TTC7B: variants seen among roughly 807,000 people sequenced by gnomAD.
TTC7B encodes the protein tetratricopeptide repeat domain 7B.
Under a neutral mutation model 106.8 loss-of-function variants are expected in TTC7B, and 28 were observed. The ratio of observed to expected loss-of-function variants is 0.26; its 90% CI spans 0.19 to 0.36. The LOEUF is 0.36. Ranked by LOEUF, TTC7B falls within the 10% of genes least tolerant of loss-of-function variation. The pLI is 1.00. For synonymous variants in TTC7B, 405 were observed against 430.6 expected (o/e 0.94, Z 0.74); for missense variants, 862 against 1,076.4 (o/e 0.80, Z 2.79).
intron 19 of TTC7B, among the ~76,000 whole-genome samples, chr14:90,562,361 A>T (rs548181541): frequency 6.6e-6 from 1 of 151,590 alleles, no homozygotes; most frequent in East Asian, 1.9e-4. Context: ...CCTTTTCAAT[A>T]CTCCCACCTT....
chr14:90,714,576 C>T (rs1044282470), intron 5 of TTC7B, among the ~76,000 whole-genome samples: 8 of 152,030 alleles, frequency 5.3e-5, no homozygotes, highest in African/African-American at 1.9e-4. Flanking sequence ...CCTGCCTCAG[C>T]CTCTCGAGTA....
chr14:90,704,403 G>A (rs567912745), intron 5 of TTC7B, among the ~76,000 whole-genome samples: 2 of 152,314 alleles, frequency 1.3e-5, no homozygotes, highest in South Asian at 4.1e-4. Flanking sequence ...AAATAACAGG[G>A]AACATGCCCA....
Position 90,676,532 on chromosome 14 carries a change from C to T in TTC7B, c.1143G>A (p.Met381Ile). The change falls in exon 9 of 20, where the codon ATG (methionine) becomes ATA (isoleucine). Residue 381 changes from methionine (M) to isoleucine (I), a missense_variant. Met to Ile is a conservative substitution (Grantham distance 10). Transcript: ENST00000328459. The stretch of plus-strand genomic sequence containing the variant: ...GACTCAGCAGCTGTACCTCTGACAG[C>T]ATCTCATACTGGCCTCTTCTTCCAA... ...IALGRRGQYE[M>I]LSECLERAMK... 4 of 1,613,924 alleles carry T rather than the reference C, an allele frequency of 2.5e-6. 1 individual carries two copies. The Admixed American group carries it at 5.0e-5, about 20-fold the overall frequency.
chr14:90,789,930 T>C (rs1048039101), intron 1 of TTC7B, among the ~76,000 whole-genome samples: 1 of 151,240 alleles, frequency 6.6e-6, no homozygotes, highest in African/African-American at 2.4e-5. Flanking sequence ...CAGGTCAACA[T>C]GCAATCATAT....
Position 90,657,179 on chromosome 14 carries a change from G to T in TTC7B, c.1336C>A (p.His446Asn), listed in dbSNP as rs1649098115. ...LAAKLCMGSL[H>N]WLEEAEKFAK... The stretch of plus-strand genomic sequence containing the variant: ...AGGGGGGCGCCCCTACTCACCCAGT[G>T]CAGGGAGCCCATGCAGAGCTTGGCA... The change falls in exon 11 of 20, where the codon CAC (histidine) becomes AAC (asparagine). Residue 446 changes from histidine to asparagine, a missense_variant. Coordinates refer to ENST00000328459, the MANE Select transcript of TTC7B (RefSeq NM_001010854.2). The surrounding 1 kb of genome is among the most constrained non-coding windows in gnomAD (Gnocchi z 4.2). The T allele has an allele frequency of 2.5e-6, 4 of 1,613,830 alleles. No homozygotes were observed. Among genetic ancestry groups the T allele is most frequent in the Non-Finnish European group, 3.4e-6 (4 of 1,179,866 alleles).
intron 15 of TTC7B, among the ~76,000 whole-genome samples, chr14:90,623,858 T>C (rs1334166962): frequency 2.0e-5 from 3 of 152,166 alleles, no homozygotes; most frequent in African/African-American, 4.8e-5. Context: ...CCGTCTCTAC[T>C]AAGAATACAA....
chr14:90,786,370 C>A lies in TTC7B; in HGVS notation c.122-42G>T, dbSNP rs770253878. 4.4e-6 allele frequency: 7 copies of A among 1,606,694 alleles called. No homozygotes were observed. The South Asian group carries it at 6.6e-5, about 15-fold the overall frequency. ...AGAACAAAGTGGGAGCAAGGAATGG[C>A]CTGCATGTAGGACCCCCTCACTCAA... On this transcript the variant is annotated intron_variant, in intron 1 of 19. Transcript: ENST00000328459.
intron 3 of TTC7B, among the ~76,000 whole-genome samples, chr14:90,777,711 C>A (rs566462431): frequency 6.6e-6 from 1 of 152,142 alleles, no homozygotes; most frequent in Admixed American, 6.5e-5. Flanking sequence ...GAAAGAAGGG[C>A]CAAGAATATT....
At chr14:90,766,769 C>A (rs1270299749) in intron 3 of TTC7B, 27 of 1,572,970 alleles carry the variant, frequency 1.7e-5, no homozygotes, top group Non-Finnish European at 2.2e-5. Context: ...TACAAGATCC[C>A]AGACTGGTTC....
At chr14:90,761,143 A>G (rs1215878250) in intron 3 of TTC7B, among the ~76,000 whole-genome samples, 1 of 152,148 alleles carries the variant, frequency 6.6e-6, no homozygotes, top group East Asian at 1.9e-4. Context: ...AGTTTAAATG[A>G]TAATAACACT....
rs2030562026 is a variant in TTC7B at position 90,805,651 on chromosome 14, C to A, written c.121+10524G>T. ...GAGCTGGCTTCGCTTTTCCCTCGGG[C>A]ATTATTTGGGGTTTAAGTGAGGCTG... On this transcript the variant is annotated intron_variant, in intron 1 of 19. Transcript: ENST00000328459. This position sits in a 1 kb window ranked among gnomAD's most constrained non-coding sequence, Gnocchi z 4.0. Among the ~76,000 whole-genome samples, 3 of 152,188 alleles carry A rather than the reference C, an allele frequency of 2.0e-5. No homozygotes were observed. The highest frequency in any genetic ancestry group is 4.4e-5 in the Non-Finnish European group (3 of 68,042).
intron 18 of TTC7B, among the ~76,000 whole-genome samples, chr14:90,581,403 C>A (rs1197486207): frequency 2.0e-5 from 3 of 152,232 alleles, no homozygotes; most frequent in African/African-American, 2.4e-5. Context: ...GAGACAAACA[C>A]CCTCCTAATG....
chr14:90,788,323 G>C lies in TTC7B; in HGVS notation c.122-1995C>G, dbSNP rs891367628. ...CAAGGCAACAAGCAGCTTCCTCCCA[G>C]ACACACAAGCCCTTCTCAAGAAATG... On this transcript the variant is annotated intron_variant, in intron 1 of 19. Coordinates refer to ENST00000328459, the MANE Select transcript of TTC7B (RefSeq NM_001010854.2). 1.1e-4 allele frequency among the ~76,000 whole-genome samples: 16 copies of C among 152,228 alleles called. No homozygotes were observed. The South Asian group carries it at 1.2e-3, about 12-fold the overall frequency.
Position 90,608,381 on chromosome 14 carries a change from T to C in TTC7B, c.1966+2361A>G, listed in dbSNP as rs76879676. On this transcript the variant is annotated intron_variant, in intron 17 of 19. Transcript: ENST00000328459. The surrounding 1 kb of genome is among the most constrained non-coding windows in gnomAD (Gnocchi z 5.1). Reference sequence around the variant, plus strand: ...AAATCAGTATTTTGCAGCTGCCTGGTTGGGTCGGGGGTGGTGTAGGGCTGG... The same window carrying C: ...AAATCAGTATTTTGCAGCTGCCTGGCTGGGTCGGGGGTGGTGTAGGGCTGG... 8.5e-5 allele frequency among the ~76,000 whole-genome samples: 13 copies of C among 152,200 alleles called. No homozygotes were observed. The highest frequency in any genetic ancestry group is 3.1e-4 in the African/African-American group (13 of 41,514).
intron 5 of TTC7B, among the ~76,000 whole-genome samples, chr14:90,706,644 C>G (rs997981641): frequency 1.3e-5 from 2 of 152,218 alleles, no homozygotes; most frequent in Non-Finnish European, 2.9e-5. Flanking sequence ...GAAATTCAAA[C>G]TATCCTATAT....
intron 4 of TTC7B, among the ~76,000 whole-genome samples, chr14:90,736,969 T>C (rs1208706057): frequency 6.6e-6 from 1 of 150,520 alleles, no homozygotes; most frequent in Non-Finnish European, 1.5e-5. Context: ...TTGAAAGTTA[T>C]CAAATCCTAG....
At chr14:90,612,441 G>A (rs368553264) in intron 16 of TTC7B, among the ~76,000 whole-genome samples, 4 of 152,128 alleles carry the variant, frequency 2.6e-5, no homozygotes, top group Admixed American at 6.5e-5. Context: ...ACAGTGAAAC[G>A]ATGACATATT....
At chr14:90,775,858 G>A (rs1891010218) in intron 3 of TTC7B, among the ~76,000 whole-genome samples, 1 of 152,040 alleles carries the variant, frequency 6.6e-6, no homozygotes, top group Non-Finnish European at 1.5e-5. Context: ...ATCTGGAAAA[G>A]AAGTTAATTC....
At chr14:90,615,609 C>T (rs1216230852) in intron 16 of TTC7B, among the ~76,000 whole-genome samples, 5 of 152,214 alleles carry the variant, frequency 3.3e-5, no homozygotes, top group African/African-American at 9.6e-5. Context: ...CGGCCCCACT[C>T]GGGAGTGTTG....
Sources: gnomAD v4.1 joint callset for allele counts (sites outside exome capture counted in the v4.1 genomes callset) on GRCh38, gnomAD v4.1.1 for gene constraint, Gnocchi (gnomAD v3.1) non-coding constraint, MANE v1.5 for transcripts, NCBI Gene and HGNC (gene_info 2026-07-23, HGNC 2026-07-21) for gene names.